The following RBFOX1 variants were observed in gnomAD, a reference collection of about 807,000 sequenced individuals.
The protein encoded by RBFOX1 is RNA binding fox-1 homolog 1, also known as RNA binding protein fox-1 homolog 1.
Under a neutral mutation model 57.7 loss-of-function variants are expected in RBFOX1, and 8 were observed. The observed-to-expected ratio is 0.14, with a 90% CI of 0.08 to 0.25. RBFOX1 has a LOEUF of 0.25. Among genes scored for constraint, RBFOX1 ranks in the 10% least tolerant of loss-of-function variants. RBFOX1 has a pLI of 1.00. For synonymous variants in RBFOX1, 326 were observed against 222.4 expected (o/e 1.47, Z -4.15); for missense variants, 611 against 548.5 (o/e 1.11, Z -1.14).
chr16:5,920,452 C>A (rs758078847), intron 4 of RBFOX1, among the ~76,000 whole-genome samples: 1 of 152,102 alleles, frequency 6.6e-6, no homozygotes, highest in Non-Finnish European at 1.5e-5. Flanking sequence ...TTTTATTTCT[C>A]GTGGGTGTAT....
intron 1 of RBFOX1, among the ~76,000 whole-genome samples, chr16:5,447,273 C>T (rs2068271346): frequency 6.6e-6 from 1 of 152,222 alleles, no homozygotes; most frequent in African/African-American, 2.4e-5. Flanking sequence ...GGCATGAGGT[C>T]AAATCCTGGC....
At chr16:7,099,613 G>C (rs1390894776) in intron 4 of RBFOX1, among the ~76,000 whole-genome samples, 1 of 152,106 alleles carries the variant, frequency 6.6e-6, no homozygotes, top group Admixed American at 6.6e-5. Flanking sequence ...CTGAGGACAC[G>C]TGCCCAAGGT....
intron 3 of RBFOX1, among the ~76,000 whole-genome samples, chr16:6,946,839 TCTCAAGCAATCCTCCTGC>T (rs2079629950): frequency 6.6e-6 from 1 of 152,152 alleles, no homozygotes; most frequent in Non-Finnish European, 1.5e-5. Context: ...AGTTTCTGAA[TCTCAAGCAATCCTCCTGC>T]CTTGGCCTCC....
At chr16:6,551,399 G>A (rs1302692062) in intron 2 of RBFOX1, among the ~76,000 whole-genome samples, 1 of 152,118 alleles carries the variant, frequency 6.6e-6, no homozygotes, top group Non-Finnish European at 1.5e-5. Flanking sequence ...CTGTAAAATG[G>A]GAATAAAGAG....
chr16:5,436,105 G>A (rs528084751), intron 1 of RBFOX1, among the ~76,000 whole-genome samples: 1 of 152,280 alleles, frequency 6.6e-6, no homozygotes, highest in African/African-American at 2.4e-5. Context: ...CAGGAGGGGA[G>A]GGGGCAGTCC....
At chr16:6,903,793 T>C (rs1409386629) in intron 3 of RBFOX1, among the ~76,000 whole-genome samples, 2 of 152,122 alleles carry the variant, frequency 1.3e-5, no homozygotes, top group South Asian at 2.1e-4. Context: ...TGCCGCTGCT[T>C]AGCCAGAGGA....
chr16:5,526,323 C>T (rs1027221296), intron 2 of RBFOX1, among the ~76,000 whole-genome samples: 2 of 152,166 alleles, frequency 1.3e-5, no homozygotes, highest in Admixed American at 6.5e-5. Flanking sequence ...GAGTCTCACT[C>T]TACTGCCCAG....
intron 3 of RBFOX1, among the ~76,000 whole-genome samples, chr16:5,730,419 A>C (rs2052322939): frequency 6.6e-6 from 1 of 152,134 alleles, no homozygotes; most frequent in Admixed American, 6.5e-5. Context: ...AGGGCATGGA[A>C]CTGGTTGTCA....
intron 4 of RBFOX1, among the ~76,000 whole-genome samples, chr16:7,052,722 T>A (rs549077422): frequency 9.2e-5 from 14 of 152,334 alleles, no homozygotes; most frequent in African/African-American, 3.4e-4. Context: ...TGGAGCTTGG[T>A]GACATTGTTC....
At chr16:7,312,052 G>T (rs1192750433) in intron 4 of RBFOX1, among the ~76,000 whole-genome samples, 1 of 152,186 alleles carries the variant, frequency 6.6e-6, no homozygotes, top group East Asian at 1.9e-4. Context: ...CAGTGCCTGG[G>T]GTGCAGTGAG....
At chr16:7,191,204 T>C (rs574298485) in intron 4 of RBFOX1, among the ~76,000 whole-genome samples, 3 of 152,202 alleles carry the variant, frequency 2.0e-5, no homozygotes, top group Admixed American at 1.3e-4. Flanking sequence ...TTTTTTAATA[T>C]GGAACTTTGT....
intron 1 of RBFOX1, among the ~76,000 whole-genome samples, chr16:5,354,744 A>G (rs17137884): frequency 0.017 from 2,609 of 152,216 alleles, 82 homozygotes; most frequent in African/African-American, 0.06. Flanking sequence ...TTCACGCAGC[A>G]TTATTCATTT....
At chr16:5,711,697 C>A (rs2051493739) in intron 3 of RBFOX1, among the ~76,000 whole-genome samples, 1 of 152,192 alleles carries the variant, frequency 6.6e-6, no homozygotes, top group Admixed American at 6.5e-5. Context: ...ATTTTTTGGT[C>A]TTTACTCTCA....
chr16:6,294,654 A>G (rs1250673959), intron 1 of RBFOX1, among the ~76,000 whole-genome samples: 2 of 152,192 alleles, frequency 1.3e-5, no homozygotes, highest in Non-Finnish European at 2.9e-5. Context: ...AAGTAACTGG[A>G]TGATGAAGAG....
At chr16:5,380,433 A>G (rs1466712287) in intron 1 of RBFOX1, among the ~76,000 whole-genome samples, 1 of 152,158 alleles carries the variant, frequency 6.6e-6, no homozygotes, top group East Asian at 1.9e-4. Flanking sequence ...AAGTTGGAAA[A>G]CTAAGGTCTG....
At chr16:7,672,313 C>G (rs1411011656) in intron 13 of RBFOX1, among the ~76,000 whole-genome samples, 2 of 152,180 alleles carry the variant, frequency 1.3e-5, no homozygotes, top group South Asian at 2.1e-4. Flanking sequence ...AGATGAATGT[C>G]AAACTGAGGA....
intron 1 of RBFOX1, among the ~76,000 whole-genome samples, chr16:6,148,522 C>G (rs1287837004): frequency 6.6e-6 from 1 of 152,120 alleles, no homozygotes; most frequent in Admixed American, 6.5e-5. Context: ...TTGAATCTCA[C>G]CACCCTCAAG....
At chr16:6,121,974 C>G (rs1254886404) in intron 1 of RBFOX1, among the ~76,000 whole-genome samples, 1 of 152,170 alleles carries the variant, frequency 6.6e-6, no homozygotes, top group Non-Finnish European at 1.5e-5. Flanking sequence ...GGCATGATCT[C>G]TGCTCACTGC....
intron 4 of RBFOX1, among the ~76,000 whole-genome samples, chr16:7,292,475 GTATTA>G (rs1339805267): frequency 1.5e-5 from 2 of 133,692 alleles, no homozygotes; most frequent in Admixed American, 1.6e-4. Context: ...AATATATAAT[GTATTA>G]TATAATATGT....
Sources: allele counts gnomAD v4.1 joint callset (sites outside exome capture counted in the v4.1 genomes callset), GRCh38; gene constraint gnomAD v4.1.1; transcripts MANE v1.5; gene names NCBI Gene and HGNC (gene_info 2026-07-23, HGNC 2026-07-21).